The following CAST variants were observed in gnomAD, a reference collection of about 807,000 sequenced individuals.
CAST encodes MIR583 host.
A neutral mutation model predicts 119.6 loss-of-function variants in CAST; 76 were observed. The observed-to-expected ratio is 0.64, with a 90% CI of 0.53 to 0.77. CAST has a LOEUF of 0.77. Among genes scored for constraint, CAST ranks in the 30% least tolerant of loss-of-function variants. The pLI is 0.00. For synonymous variants in CAST, 319 were observed against 331.6 expected (o/e 0.96, Z 0.41); for missense variants, 953 against 946.5 (o/e 1.01, Z -0.09).
chr5:96,468,171 T>G, the CAST span, among the ~76,000 whole-genome samples: 3 of 152,058 alleles, frequency 2.0e-5, no homozygotes, highest in African/African-American at 7.2e-5. Context: ...AAGTAAGAGC[T>G]GAGCTATGGG....
At chr5:96,616,686 C>G (rs1747460000) in intron 1 of CAST, among the ~76,000 whole-genome samples, 1 of 151,192 alleles carries the variant, frequency 6.6e-6, no homozygotes, top group South Asian at 2.1e-4. Context: ...AAACTGAGGT[C>G]CAGGGTCCAA....
chr5:96,032,684 A>C, the CAST span, among the ~76,000 whole-genome samples: 1 of 152,118 alleles, frequency 6.6e-6, no homozygotes, highest in Non-Finnish European at 1.5e-5. Flanking sequence ...TCTGGCTGAG[A>C]GTGCCTCCCT....
At chr5:95,999,453 G>A in the CAST span, among the ~76,000 whole-genome samples, 2 of 152,028 alleles carry the variant, frequency 1.3e-5, no homozygotes, top group Admixed American at 6.6e-5. Context: ...AGGCTCAAAC[G>A]ATCCTCCCAT....
At chr5:96,154,908 CT>C in the CAST span, among the ~76,000 whole-genome samples, 1 of 152,210 alleles carries the variant, frequency 6.6e-6, no homozygotes, top group Admixed American at 6.5e-5. Context: ...TATGAATGTA[CT>C]CTTTCCTCTT....
chr5:96,071,720 C>T, the CAST span, among the ~76,000 whole-genome samples: 8 of 152,030 alleles, frequency 5.3e-5, no homozygotes, highest in African/African-American at 1.9e-4. Context: ...TGTATCTATC[C>T]TTTTTCCTTA....
intron 1 of CAST, among the ~76,000 whole-genome samples, chr5:96,664,835 T>C (rs1483404796): frequency 6.6e-6 from 1 of 152,212 alleles, no homozygotes; most frequent in Admixed American, 6.5e-5. Context: ...TTGATTGATG[T>C]GGTAAGAACA....
the CAST span, among the ~76,000 whole-genome samples, chr5:96,252,579 T>C: frequency 6.6e-6 from 1 of 152,136 alleles, no homozygotes; most frequent in Non-Finnish European, 1.5e-5. Context: ...AAATTGACGC[T>C]CACAGAGTTT....
chr5:96,693,827 C>T (rs181727010), intron 2 of CAST, among the ~76,000 whole-genome samples: 1 of 152,336 alleles, frequency 6.6e-6, no homozygotes, highest in Admixed American at 6.5e-5. Context: ...GCATCACTAG[C>T]TTCTTAGCAG....
intron 1 of CAST, among the ~76,000 whole-genome samples, chr5:96,567,300 A>C (rs1746484922): frequency 1.3e-5 from 2 of 152,112 alleles, no homozygotes; most frequent in South Asian, 4.1e-4. Context: ...AACCACACCC[A>C]ACTCTGCTGC....
the CAST span, among the ~76,000 whole-genome samples, chr5:96,097,014 C>T: frequency 6.6e-6 from 1 of 152,194 alleles, no homozygotes; most frequent in Non-Finnish European, 1.5e-5. Flanking sequence ...TTCCTTTGCA[C>T]TGCCACCTGA....
chr5:96,525,800 G>T (rs1267569569), upstream of CAST, among the ~76,000 whole-genome samples: 1 of 152,196 alleles, frequency 6.6e-6, no homozygotes, highest in African/African-American at 2.4e-5. Context: ...TGCTGCAAAG[G>T]TTGGCAATCT....
At chr5:96,014,943 A>G in the CAST span, among the ~76,000 whole-genome samples, 2 of 152,138 alleles carry the variant, frequency 1.3e-5, no homozygotes, top group Non-Finnish European at 2.9e-5. Flanking sequence ...TCAGAGCTCT[A>G]ACACCTATAT....
intron 17 of CAST, among the ~76,000 whole-genome samples, chr5:96,746,992 T>TATC (rs1317825006): frequency 1.3e-5 from 2 of 152,234 alleles, no homozygotes; most frequent in African/African-American, 2.4e-5. Context: ...ATAGGAATGA[T>TATC]ATCCACCTCT....
At chr5:96,065,138 G>A in the CAST span, among the ~76,000 whole-genome samples, 1 of 151,810 alleles carries the variant, frequency 6.6e-6, no homozygotes, top group Non-Finnish European at 1.5e-5. Flanking sequence ...TAGTGAGAGG[G>A]ATAGTACATT....
intron 1 of CAST, among the ~76,000 whole-genome samples, chr5:96,556,300 C>T (rs372515089): frequency 2.6e-5 from 4 of 152,288 alleles, no homozygotes; most frequent in South Asian, 2.1e-4. Context: ...AAAAGCAGAG[C>T]GCCTCTCCTC....
the CAST span, among the ~76,000 whole-genome samples, chr5:95,990,479 G>A: frequency 1.1e-4 from 17 of 151,822 alleles, no homozygotes; most frequent in Middle Eastern, 0.01. Flanking sequence ...TGTTTTCTTG[G>A]CTTACTATTG....
intron 3 of CAST, among the ~76,000 whole-genome samples, chr5:96,718,545 T>TAA (rs368759549): frequency 1.2e-4 from 18 of 144,584 alleles, no homozygotes; most frequent in African/African-American, 4.1e-4. Flanking sequence ...ACCTAAAAGT[T>TAA]AAAAAAAAAA....
chr5:96,326,208 C>A, the CAST span, among the ~76,000 whole-genome samples: 2 of 152,270 alleles, frequency 1.3e-5, no homozygotes, highest in Admixed American at 6.5e-5. Context: ...GGTGCTGCTG[C>A]TTTGCTGAGT....
the CAST span, among the ~76,000 whole-genome samples, chr5:96,087,659 A>G: frequency 6.6e-6 from 1 of 152,228 alleles, no homozygotes; most frequent in African/African-American, 2.4e-5. Context: ...TCAATCAATG[A>G]AGATGAAGCA....
Sources: gnomAD v4.1 joint callset for allele counts (sites outside exome capture counted in the v4.1 genomes callset) on GRCh38, gnomAD v4.1.1 for gene constraint, MANE v1.5 for transcripts, NCBI Gene and HGNC (gene_info 2026-07-23, HGNC 2026-07-21) for gene names.